The following DPH6 variants were observed in gnomAD, a reference collection of about 807,000 sequenced individuals.
The protein encoded by DPH6 is diphthamine biosynthesis 6, also known as diphthine--ammonia ligase.
DPH6 carries 33 observed loss-of-function variants against 38.2 expected under a neutral mutation model. The observed-to-expected ratio is 0.86, with a 90% CI of 0.65 to 1.15. The LOEUF is 1.15. DPH6 is among the 50% of genes most tolerant of loss of function. DPH6 has a pLI of 0.00. For synonymous variants in DPH6, 108 were observed against 103.0 expected (o/e 1.05, Z -0.30); for missense variants, 325 against 320.0 (o/e 1.02, Z -0.12).
chr15:35,419,076 C>CACACACACACAA (rs1459632699), intron 5 of DPH6, among the ~76,000 whole-genome samples: 1 of 151,568 alleles, frequency 6.6e-6, no homozygotes, highest in African/African-American at 2.4e-5. Context: ...CATACACACA[C>CACACACACACAA]ACACACACAC....
At chr15:35,358,214 A>G (rs1209679560) in intron 3 of DPH6, among the ~76,000 whole-genome samples, 1 of 152,100 alleles carries the variant, frequency 6.6e-6, no homozygotes, top group Non-Finnish European at 1.5e-5. Context: ...CAGTGTGTCT[A>G]AAGTTTTCTG....
chr15:35,502,532 G>A (rs1329964141), intron 3 of DPH6, among the ~76,000 whole-genome samples: 4 of 151,830 alleles, frequency 2.6e-5, no homozygotes, highest in South Asian at 2.1e-4. Context: ...GTTAACACTG[G>A]AGCATTTATT....
chr15:35,400,812 G>A (rs999752003), intron 6 of DPH6: 31 of 762,452 alleles, frequency 4.1e-5, no homozygotes, highest in African/African-American at 2.7e-4. Flanking sequence ...GAATGCTCAC[G>A]GACTGTGTGA....
chr15:35,237,916 G>A, intron 3 of DPH6: 5 of 1,391,128 alleles, frequency 3.6e-6, no homozygotes, highest in Non-Finnish European at 5.1e-6. Context: ...GTGAAGAGGA[G>A]GACGTGAGTG....
At chr15:35,269,259 T>C (rs770475721) in intron 3 of DPH6, among the ~76,000 whole-genome samples, 5 of 152,180 alleles carry the variant, frequency 3.3e-5, no homozygotes, top group African/African-American at 9.7e-5. Context: ...TTCACTGTTT[T>C]CTTATGAACA....
chr15:35,368,400 C>T (rs1248052853), downstream of DPH6, among the ~76,000 whole-genome samples: 1 of 151,782 alleles, frequency 6.6e-6, no homozygotes, highest in Non-Finnish European at 1.5e-5. Flanking sequence ...AGATAGCCTT[C>T]CATTCATGGC....
chr15:35,382,035 G>C, intron 6 of DPH6, 119 bp from the exon 7 acceptor site: 1 of 713,850 alleles, frequency 1.4e-6, no homozygotes, highest in East Asian at 2.7e-5. Context: ...TAGTTTGCAA[G>C]GTAAGGAAAA....
chr15:35,393,215 A>C (rs1368902394), intron 6 of DPH6, among the ~76,000 whole-genome samples: 2 of 152,142 alleles, frequency 1.3e-5, no homozygotes, highest in Non-Finnish European at 2.9e-5. Context: ...AGGTTTCCCA[A>C]GCTGGCAAGT....
chr15:35,160,145 C>T, the DPH6 span, among the ~76,000 whole-genome samples: 19 of 152,086 alleles, frequency 1.2e-4, no homozygotes, highest in African/African-American at 4.3e-4. Flanking sequence ...ATGCAATATA[C>T]CTTTGCAGCA....
intron 5 of DPH6, among the ~76,000 whole-genome samples, chr15:35,440,589 A>C (rs1245655401): frequency 2.0e-5 from 3 of 152,182 alleles, no homozygotes; most frequent in Non-Finnish European, 4.4e-5. Flanking sequence ...CTTTATCCTT[A>C]TCCCTATCCT....
intron 6 of DPH6, among the ~76,000 whole-genome samples, chr15:35,391,969 C>T (rs1010083760): frequency 6.6e-6 from 1 of 152,170 alleles, no homozygotes; most frequent in Admixed American, 6.5e-5. Flanking sequence ...TGTTCCTATT[C>T]AGCCATCTTG....
intron 3 of DPH6, among the ~76,000 whole-genome samples, chr15:35,310,757 G>A (rs1367740088): frequency 6.6e-6 from 1 of 151,820 alleles, no homozygotes; most frequent in Non-Finnish European, 1.5e-5. Context: ...GTTCTGTTTA[G>A]ATCATAAATT....
Position 35,242,196 on chromosome 15 carries a change from T to C in DPH6, n.201-21614A>G, listed in dbSNP as rs896781098. Among the ~76,000 whole-genome samples the C allele has an allele frequency of 1.4e-4, 20 of 142,902 alleles. 4 individuals are homozygous for C. Among genetic ancestry groups the C allele is most frequent in the Non-Finnish European group, 2.8e-4 (18 of 65,274 alleles). 93.7% of individuals were successfully genotyped at this position (142,902 alleles called of 152,430 possible). A position where few individuals can be genotyped will look rare whatever the true frequency, so the allele number is the denominator to read the frequency against. ...AAGCCCAAATTTCATCCTCATCTGT[T>C]ACCTATCTTGGCATAATTCTCGTAA... On this transcript the variant is annotated intron_variant and non_coding_transcript_variant, in intron 3 of 3. Coordinates refer to the DPH6 transcript ENST00000560386.
chr15:35,508,915 A>G (rs1004090449), intron 3 of DPH6, among the ~76,000 whole-genome samples: 1 of 152,206 alleles, frequency 6.6e-6, no homozygotes, highest in African/African-American at 2.4e-5. Context: ...CATATAGGAC[A>G]AAAGGCTAAA....
At chr15:35,326,897 A>C (rs1487239091), downstream of DPH6, among the ~76,000 whole-genome samples, 1 of 152,202 alleles carries the variant, frequency 6.6e-6, no homozygotes, top group Non-Finnish European at 1.5e-5. Context: ...AAAACTAAAG[A>C]AGTAAAATAT....
intron 3 of DPH6, among the ~76,000 whole-genome samples, chr15:35,333,710 G>T (rs1374678046): frequency 1.3e-5 from 2 of 152,180 alleles, no homozygotes; most frequent in Non-Finnish European, 2.9e-5. Context: ...GTGGAAGACA[G>T]TGTGGTGATT....
Position 35,254,537 on chromosome 15 carries a change from C to G in DPH6, n.201-33955G>C, listed in dbSNP as rs1053843422. 1.3e-5 allele frequency among the ~76,000 whole-genome samples: 2 copies of G among 152,274 alleles called. 1 individual carries two copies. The highest frequency in any genetic ancestry group is 6.8e-3 in the Middle Eastern group (2 of 294). The stretch of plus-strand genomic sequence containing the variant: ...AAAAAAAGTTTCATCTTGAAGTGAT[C>G]ATTACTTTAATTTGTGGTTTGTACC... On this transcript the variant is annotated intron_variant and non_coding_transcript_variant, in intron 3 of 3. Coordinates refer to the DPH6 transcript ENST00000560386.
intron 3 of DPH6, among the ~76,000 whole-genome samples, chr15:35,294,860 A>G (rs982791176): frequency 6.6e-6 from 1 of 152,196 alleles, no homozygotes; most frequent in African/African-American, 2.4e-5. Context: ...TGAGACTTGT[A>G]CAGAAATCAA....
At chr15:35,261,148 G>A (rs1046079038) in intron 3 of DPH6, among the ~76,000 whole-genome samples, 20 of 152,226 alleles carry the variant, frequency 1.3e-4, no homozygotes, top group African/African-American at 4.8e-4. Flanking sequence ...GTTCTTTAAT[G>A]AGATGCCCCA....
Sources: gnomAD v4.1 joint callset for allele counts (sites outside exome capture counted in the v4.1 genomes callset) on GRCh38, gnomAD v4.1.1 for gene constraint, MANE v1.5 for transcripts, NCBI Gene and HGNC (gene_info 2026-07-23, HGNC 2026-07-21) for gene names.